Variants in PRELID2 observed in about 807,000 individuals in gnomAD.
The protein encoded by PRELID2 is PRELI domain containing 2.
A neutral mutation model predicts 28.4 loss-of-function variants in PRELID2; 25 were observed. The observed-to-expected ratio is 0.88, with a 90% CI of 0.64 to 1.23. The LOEUF (loss-of-function observed/expected upper bound fraction) is 1.23, where lower values mean the gene tolerates loss of function less well. Among genes scored for constraint, PRELID2 ranks in the 50% most tolerant of loss-of-function variants. The pLI is 0.00. For missense variants in PRELID2, 201 were observed against 214.4 expected (o/e 0.94, Z 0.39); for synonymous variants, 76 against 71.6 (o/e 1.06, Z -0.31).
chr5:145,654,696 C>A (rs1754361127), intron 1 of PRELID2, among the ~76,000 whole-genome samples: 1 of 152,074 alleles, frequency 6.6e-6, no homozygotes, highest in Non-Finnish European at 1.5e-5. Flanking sequence ...CAAAATTCAA[C>A]AACCCTTCAT....
the PRELID2 span, among the ~76,000 whole-genome samples, chr5:145,235,648 A>T: frequency 6.6e-6 from 1 of 151,916 alleles, no homozygotes; most frequent in Non-Finnish European, 1.5e-5. Context: ...GCTTACAAAG[A>T]TTTTCTTATT....
intron 1 of PRELID2, among the ~76,000 whole-genome samples, chr5:145,589,712 A>T (rs901528031): frequency 2.0e-5 from 3 of 151,980 alleles, no homozygotes; most frequent in Non-Finnish European, 4.4e-5. Flanking sequence ...CATTTTTCTA[A>T]CTGTTTTCTT....
the PRELID2 span, among the ~76,000 whole-genome samples, chr5:145,374,479 A>G: frequency 6.6e-6 from 1 of 151,784 alleles, no homozygotes; most frequent in East Asian, 1.9e-4. Flanking sequence ...CTTCTCATGG[A>G]GTATCTTAGT....
the PRELID2 span, among the ~76,000 whole-genome samples, chr5:145,291,463 G>T: frequency 5.9e-5 from 9 of 151,840 alleles, no homozygotes; most frequent in Non-Finnish European, 1.2e-4. Context: ...CTAGAAAGAG[G>T]CAAGGAAAGG....
chr5:145,769,950 T>C (rs901669581), intron 5 of PRELID2, among the ~76,000 whole-genome samples: 1 of 152,182 alleles, frequency 6.6e-6, no homozygotes, highest in East Asian at 1.9e-4. Flanking sequence ...GACATTTCAG[T>C]CAATGACAGA....
intron 4 of PRELID2, among the ~76,000 whole-genome samples, chr5:145,798,791 C>T (rs931903275): frequency 3.9e-5 from 6 of 152,124 alleles, no homozygotes; most frequent in African/African-American, 1.4e-4. Context: ...CCAAACACCA[C>T]ATGTTCTCAC....
At chr5:145,570,042 A>T (rs970901397) in intron 1 of PRELID2, among the ~76,000 whole-genome samples, 6 of 152,148 alleles carry the variant, frequency 3.9e-5, no homozygotes, top group Admixed American at 1.3e-4. Flanking sequence ...CCTCTCTCCC[A>T]GCTTCTGGTT....
chr5:145,336,422 C>A, the PRELID2 span, among the ~76,000 whole-genome samples: 1 of 151,666 alleles, frequency 6.6e-6, no homozygotes, highest in African/African-American at 2.4e-5. Context: ...ACGTTTAAGT[C>A]TTTAATCCAT....
the PRELID2 span, among the ~76,000 whole-genome samples, chr5:145,320,472 A>G: frequency 7.9e-5 from 12 of 151,948 alleles, no homozygotes; most frequent in Non-Finnish European, 1.5e-4. Flanking sequence ...ACGGGGTTTC[A>G]CCATTTTAGC....
At chr5:145,286,416 G>A in the PRELID2 span, among the ~76,000 whole-genome samples, 4 of 152,068 alleles carry the variant, frequency 2.6e-5, no homozygotes, top group Admixed American at 1.3e-4. Context: ...TTTCATTAGA[G>A]CAATATGACA....
chr5:145,264,762 T>C, the PRELID2 span, among the ~76,000 whole-genome samples: 1 of 151,766 alleles, frequency 6.6e-6, no homozygotes, highest in Non-Finnish European at 1.5e-5. Flanking sequence ...TCATCTGAGG[T>C]CAGGAGTTCA....
the PRELID2 span, among the ~76,000 whole-genome samples, chr5:145,357,896 G>A: frequency 6.7e-6 from 1 of 150,272 alleles, no homozygotes; most frequent in East Asian, 1.9e-4. Flanking sequence ...AATCTGTGAA[G>A]TTGCTGTCCC....
chr5:145,785,385 C>T (rs185470581), intron 5 of PRELID2, among the ~76,000 whole-genome samples: 372 of 152,294 alleles, frequency 2.4e-3, no homozygotes, highest in Middle Eastern at 0.01. Context: ...GCATACTATG[C>T]TTTTAGTTCA....
rs116198010 is a variant in PRELID2 at position 145,787,734 on chromosome 5, T to G, written c.474+8708A>C. 5.0e-3 allele frequency among the ~76,000 whole-genome samples: 759 copies of G among 152,110 alleles called. 3 individuals are homozygous for G. The highest frequency in any genetic ancestry group is 7.8e-3 in the Non-Finnish European group (528 of 67,980). On this transcript the variant is annotated intron_variant, in intron 5 of 6. Transcript: ENST00000683046. ...GTTTTGGTTTTCTGTAGAGACGAGA[T>G]CTCCCTATGTTGCCTATGCTGGTCT...
chr5:145,749,329 G>C (rs984030663), intron 1 of PRELID2, among the ~76,000 whole-genome samples: 2 of 152,086 alleles, frequency 1.3e-5, no homozygotes, highest in African/African-American at 4.8e-5. Flanking sequence ...TACTTCAAAA[G>C]AAGACATTTA....
intron 1 of PRELID2, among the ~76,000 whole-genome samples, chr5:145,564,704 C>T (rs1053575038): frequency 5.9e-5 from 9 of 152,162 alleles, no homozygotes; most frequent in Non-Finnish European, 7.3e-5. Flanking sequence ...ACTGTGAAAC[C>T]CCAGTGCCCA....
At chr5:145,616,618 G>A (rs1340350940) in intron 1 of PRELID2, among the ~76,000 whole-genome samples, 2 of 152,160 alleles carry the variant, frequency 1.3e-5, no homozygotes, top group Admixed American at 6.5e-5. Context: ...TTTTCAAAAG[G>A]GGAGGGAGTG....
chr5:145,825,728 G>C (rs1381562185), intron 1 of PRELID2, among the ~76,000 whole-genome samples: 1 of 152,090 alleles, frequency 6.6e-6, no homozygotes, highest in Admixed American at 6.5e-5. Flanking sequence ...GAACAGCCAA[G>C]AGCCTCAAGT....
chr5:145,638,840 G>T (rs1754046930), intron 1 of PRELID2, among the ~76,000 whole-genome samples: 1 of 152,200 alleles, frequency 6.6e-6, no homozygotes, highest in Non-Finnish European at 1.5e-5. Context: ...AAGAAAAATG[G>T]CGTGTTGTCC....
Sources: allele counts gnomAD v4.1 joint callset (sites outside exome capture counted in the v4.1 genomes callset), GRCh38; gene constraint gnomAD v4.1.1; transcripts MANE v1.5; gene names NCBI Gene and HGNC (gene_info 2026-07-23, HGNC 2026-07-21).